The following R3HCC1L variants were observed in gnomAD, a reference collection of about 807,000 sequenced individuals.
R3HCC1L encodes the protein R3H domain and coiled-coil containing 1 like.
A neutral mutation model predicts 59.9 loss-of-function variants in R3HCC1L; 51 were observed. The observed-to-expected ratio is 0.85, with a 90% confidence interval of 0.68 to 1.07. The LOEUF (loss-of-function observed/expected upper bound fraction) is 1.07. Ranked by LOEUF, R3HCC1L falls within the 50% of genes least tolerant of loss-of-function variation. The pLI, the probability that R3HCC1L is intolerant of heterozygous loss-of-function variation, is 0.00. For missense variants in R3HCC1L, 965 were observed against 933.0 expected (o/e 1.03, Z -0.45); for synonymous variants, 322 against 315.2 (o/e 1.02, Z -0.23).
chr10:98,160,174 A>G (rs1274868876), intron 2 of R3HCC1L, among the ~76,000 whole-genome samples: 31 of 152,246 alleles, frequency 2.0e-4, no homozygotes, highest in Admixed American at 2.0e-3. Flanking sequence ...TTGTTAACTC[A>G]TACCACCACT....
chr10:98,141,711 A>G (rs572449794), intron 1 of R3HCC1L, among the ~76,000 whole-genome samples: 3 of 152,264 alleles, frequency 2.0e-5, no homozygotes, highest in Non-Finnish European at 2.9e-5. Context: ...CAGAACACCT[A>G]CCTACCCAGA....
At chr10:98,191,043 C>T (rs1299163790) in intron 4 of R3HCC1L, among the ~76,000 whole-genome samples, 1 of 152,090 alleles carries the variant, frequency 6.6e-6, no homozygotes, top group Non-Finnish European at 1.5e-5. Context: ...GTCCTTAATC[C>T]AGTTTATCAT....
rs536973564 is a variant in R3HCC1L, at chr10:98,241,205, C to T, written c.2270-2886C>T. On this transcript the variant is annotated intron_variant, in intron 9 of 9. Transcript: ENST00000298999. ...GGAATAAGATTCGTTTGACCAGACG[C>T]GTTCTTCACAAAGCATGTTGTCTAT... Among the ~76,000 whole-genome samples the T allele has an allele frequency of 1.6e-4, 24 of 152,140 alleles. No individual in the cohort carries two copies. In the South Asian group the frequency reaches 5.0e-3, roughly 32 times the overall value.
chr10:98,221,014 A>G (rs1233165065), intron 5 of R3HCC1L, among the ~76,000 whole-genome samples: 115 of 147,200 alleles, frequency 7.8e-4, no homozygotes, highest in Non-Finnish European at 1.3e-3. Flanking sequence ...AAGTGTTCCT[A>G]TTTCTCCACA....
At chr10:98,230,486 C>T (rs926858044) in intron 5 of R3HCC1L, among the ~76,000 whole-genome samples, 1 of 151,992 alleles carries the variant, frequency 6.6e-6, no homozygotes. Context: ...GTTAATCTTG[C>T]TAGTGGTCTA....
intron 4 of R3HCC1L, among the ~76,000 whole-genome samples, chr10:98,206,159 T>C (rs570022605): frequency 1.3e-5 from 2 of 152,268 alleles, no homozygotes; most frequent in South Asian, 4.1e-4. Flanking sequence ...TAGCTCTACA[T>C]TGTATGACAT....
chr10:98,169,986 A>G (rs1286874970), intron 4 of R3HCC1L, among the ~76,000 whole-genome samples: 1 of 144,296 alleles, frequency 6.9e-6, no homozygotes, highest in Non-Finnish European at 1.5e-5. Context: ...TGTCCAGTGT[A>G]TGAGGCACAT....
At chr10:98,152,165 G>A in intron 1 of R3HCC1L, among the ~76,000 whole-genome samples, 1 of 152,202 alleles carries the variant, frequency 6.6e-6, no homozygotes, top group Non-Finnish European at 1.5e-5. Flanking sequence ...GTGTTGGCCG[G>A]GCTGGTCTCC....
At chr10:98,233,671 G>A (rs1244839053) in intron 6 of R3HCC1L, among the ~76,000 whole-genome samples, 1 of 152,158 alleles carries the variant, frequency 6.6e-6, no homozygotes, top group East Asian at 1.9e-4. Flanking sequence ...TAACTGTTAT[G>A]TCATCATCCT....
Position 98,172,577 on chromosome 10 carries a change from G to C in R3HCC1L, c.-15+9180G>C, listed in dbSNP as rs533298237. Among the ~76,000 whole-genome samples, 3 of 152,302 alleles carry C rather than the reference G, an allele frequency of 2.0e-5. No homozygotes were observed. In the East Asian group the frequency reaches 5.8e-4, roughly 29 times the overall value. On this transcript the variant is annotated intron_variant, in intron 4 of 9. Coordinates refer to ENST00000298999, the MANE Select transcript of R3HCC1L (RefSeq NM_001351015.2). ...TCATCTGGAGGCTCCATAGAAGCTGGCTGATAATGCTGCTTTCACCAGGCA... is the reference window on the plus strand; with the variant it reads ...TCATCTGGAGGCTCCATAGAAGCTGCCTGATAATGCTGCTTTCACCAGGCA...
chr10:98,242,981 C>G (rs573185885), intron 9 of R3HCC1L, among the ~76,000 whole-genome samples: 1 of 152,272 alleles, frequency 6.6e-6, no homozygotes, highest in African/African-American at 2.4e-5. Context: ...TGTTTTTTGC[C>G]TCTTGTAACT....
chr10:98,182,986 T>C (rs1005053048), intron 4 of R3HCC1L, among the ~76,000 whole-genome samples: 5 of 152,196 alleles, frequency 3.3e-5, no homozygotes, highest in Non-Finnish European at 5.9e-5. Flanking sequence ...CCTGACCGCT[T>C]GCGCTTCCTG....
At position 98,231,661 on chromosome 10, in the gene R3HCC1L, C is replaced by A. The variant is rs987807940; in HGVS notation, c.1935C>A (p.Asp645Glu). ...YDFPQEFHTE[D>E]LLRVFCSYQK... is the part of the protein sequence containing the mutation. ...TTCCCCAAGAATTTCATACTGAAGA[C>A]CTTCTACGGGTTTTCTGCAGTTATC... Residue 645 changes from aspartate to glutamate, a missense_variant, in exon 6 of 10, where the codon GAC (aspartate) becomes GAA (glutamate). By Grantham distance (45) the Asp-to-Glu change is conservative (BLOSUM62 2). Coordinates refer to ENST00000298999, the MANE Select transcript of R3HCC1L (RefSeq NM_001351015.2). 1 of 1,611,304 alleles carries A rather than the reference C, an allele frequency of 6.2e-7. No individual in the cohort carries two copies. The highest frequency in any genetic ancestry group is 1.7e-5 in the Admixed American group (1 of 59,726).
intron 4 of R3HCC1L, among the ~76,000 whole-genome samples, chr10:98,178,872 A>G (rs1027193906): frequency 4.6e-5 from 7 of 152,016 alleles, no homozygotes; most frequent in African/African-American, 1.7e-4. Context: ...TTTGTCTGTT[A>G]TTGGTGTGTA....
intron 4 of R3HCC1L, among the ~76,000 whole-genome samples, chr10:98,166,105 G>T (rs1847917383): frequency 1.3e-5 from 2 of 152,318 alleles, no homozygotes; most frequent in Middle Eastern, 3.4e-3. Context: ...GGAGGTGGAG[G>T]TTGCAGTGAG....
intron 4 of R3HCC1L, among the ~76,000 whole-genome samples, chr10:98,199,392 A>G (rs1396106710): frequency 2.0e-5 from 3 of 151,994 alleles, no homozygotes. Context: ...TTACATGTTT[A>G]TAGTAATGTC....
chr10:98,223,752 A>G (rs1355630942), intron 5 of R3HCC1L, among the ~76,000 whole-genome samples: 1 of 152,008 alleles, frequency 6.6e-6, no homozygotes, highest in African/African-American at 2.4e-5. Context: ...CAGTCCTTGG[A>G]CAACAGCAGG....
At position 98,152,639 on chromosome 10, in the gene R3HCC1L, GCCACC is replaced by G. The variant is rs1245016411; in HGVS notation, c.-267-3451_-267-3447del. On this transcript the variant is annotated intron_variant, in intron 1 of 9. Transcript: ENST00000298999. ...GAGATGCGGGGAGCGCCTCTGCCCC[GCCACC>G]CCGTCTGGGATGTGAGGAGCGCCTC... 6.3e-4 allele frequency among the ~76,000 whole-genome samples: 79 copies of G among 125,522 alleles called. 2 individuals carry two copies. Among genetic ancestry groups the G allele is most frequent in the African/African-American group, 2.0e-3 (75 of 37,862 alleles). The allele number at this position is 125,522 out of a possible 152,430, so 82.3% of individuals were successfully genotyped here.
chr10:98,198,625 G>T (rs1851716126), intron 4 of R3HCC1L, among the ~76,000 whole-genome samples: 2 of 151,350 alleles, frequency 1.3e-5, no homozygotes, highest in South Asian at 4.2e-4. Context: ...TTATCTAATT[G>T]GTTTTGTTTT....
Sources: gnomAD v4.1 joint callset for allele counts (sites outside exome capture counted in the v4.1 genomes callset) on GRCh38, gnomAD v4.1.1 for gene constraint, MANE v1.5 for transcripts, NCBI Gene and HGNC (gene_info 2026-07-23, HGNC 2026-07-21) for gene names.